Variants in TPR observed in about 807,000 individuals in gnomAD.
The protein encoded by TPR is translocated promoter region, nuclear basket protein, also known as nucleoprotein TPR.
Under a neutral mutation model 316.1 loss-of-function variants are expected in TPR, and 51 were observed. That is an observed-to-expected ratio of 0.16 (90% CI 0.13 to 0.20). The LOEUF is 0.20. TPR is among the 10% of genes least tolerant of loss of function. TPR has a pLI of 1.00. For synonymous variants in TPR, 981 were observed against 914.7 expected (o/e 1.07, Z -1.31); for missense variants, 2,272 against 2,754.8 (o/e 0.82, Z 3.92).
intron 39 of TPR, among the ~76,000 whole-genome samples, chr1:186,328,581 T>C (rs894661314): frequency 6.6e-6 from 1 of 152,094 alleles, no homozygotes; most frequent in Non-Finnish European, 1.5e-5. Flanking sequence ...GGGTCTGCAA[T>C]GTTTAAACAG....
At position 186,361,876 on chromosome 1, in the gene TPR, A is replaced by C. The variant is rs1335784499; in HGVS notation, c.790-7T>G. Reference sequence around the variant, plus strand: ...TGGCCTGTTGTTCCTTGGCCTGAAAAAAATAGCCCAATTATAGCAGTCTAC... The same window carrying C: ...TGGCCTGTTGTTCCTTGGCCTGAAACAAATAGCCCAATTATAGCAGTCTAC... On this transcript the variant is annotated splice_polypyrimidine_tract_variant and splice_region_variant and intron_variant, in intron 7 of 50. Coordinates refer to ENST00000367478, the MANE Select transcript of TPR (RefSeq NM_003292.3). 12 of 1,611,988 alleles carry C rather than the reference A, an allele frequency of 7.4e-6. No individual in the cohort carries two copies. Among genetic ancestry groups the C allele is most frequent in the Non-Finnish European group, 1.0e-5 (12 of 1,178,784 alleles).
In TPR at chr1:186,320,508, G is replaced by A. The variant is rs866749898; in HGVS notation, c.6462-90C>T. On this transcript the variant is annotated intron_variant, in intron 45 of 50. Transcript: ENST00000367478. Reference sequence around the variant, plus strand: ...AAAAAATATAGGAAGAAGGAAGAATGAACATCAACAAACTGGGAAGGAAAC... The same window carrying A: ...AAAAAATATAGGAAGAAGGAAGAATAAACATCAACAAACTGGGAAGGAAAC... The A allele has an allele frequency of 7.7e-6, 8 of 1,038,130 alleles. No individual in the cohort carries two copies. The South Asian group carries it at 1.3e-4, about 17-fold the overall frequency. 64.3% of individuals were successfully genotyped at this position (1,038,130 alleles called of 1,614,324 possible).
rs896879858 is a variant in TPR at position 186,375,186 on chromosome 1, C to G, written c.-158G>C. 2 of 1,531,698 alleles carry G rather than the reference C, an allele frequency of 1.3e-6. No homozygotes were observed. The highest frequency in any genetic ancestry group is 1.8e-6 in the Non-Finnish European group (2 of 1,138,196). The allele number at this position is 1,531,698 out of a possible 1,614,324, so 94.9% of individuals were successfully genotyped here. ...CCGCCGGAGACTCCCGCGGCGGGACCCTGGGAAATCGAGTCCACCCTCAGC... is the reference window on the plus strand; with the variant it reads ...CCGCCGGAGACTCCCGCGGCGGGACGCTGGGAAATCGAGTCCACCCTCAGC... On this transcript the variant is annotated 5_prime_UTR_variant, in exon 1 of 51. Transcript: ENST00000367478.
chr1:186,322,428 C>T lies in TPR; in HGVS notation c.6367-16G>A, dbSNP rs754115282. On this transcript the variant is annotated splice_polypyrimidine_tract_variant and intron_variant, in intron 44 of 50. Transcript: ENST00000367478. The stretch of plus-strand genomic sequence containing the variant: ...AATGCTGTTGCTAAAACAAAGAAAA[C>T]AGAGTTAACAAACAAAACACCACAC... 13 of 1,611,732 alleles carry T rather than the reference C, an allele frequency of 8.1e-6. No individual in the cohort carries two copies. The South Asian group carries it at 1.4e-4, about 18-fold the overall frequency.
chr1:186,314,030 TA>T lies in TPR; in HGVS notation c.7037-5del. On this transcript the variant is annotated splice_polypyrimidine_tract_variant and splice_region_variant and intron_variant, in intron 50 of 50. Coordinates refer to ENST00000367478, the MANE Select transcript of TPR (RefSeq NM_003292.3). The stretch of plus-strand genomic sequence containing the variant: ...CCTCCCATTGCATGGCTCACACCTG[TA>T]AAAGAAAAAAGAATCAAATTGAATA... The T allele has an allele frequency of 6.2e-7, 1 of 1,608,712 alleles. No individual in the cohort carries two copies. The highest frequency in any genetic ancestry group is 8.5e-7 in the Non-Finnish European group (1 of 1,178,618).
In TPR at chr1:186,343,419, A is replaced by G; in HGVS notation, c.3657T>C (p.Val1219=). 2.5e-6 allele frequency: 4 copies of G among 1,613,944 alleles called. No individual in the cohort carries two copies. The highest frequency in any genetic ancestry group is 3.4e-6 in the Non-Finnish European group (4 of 1,179,864). The change falls in exon 27 of 51, where the codon GTT becomes GTC. Residue 1219 remains valine (V), a synonymous_variant. Transcript: ENST00000367478. ...IAETRFEVAQ[V]ESLRYRQRVE... is the part of the protein sequence containing the mutation. ...CCCTTTGTCGATAACGCAGACTCTC[A>G]ACCTGAGCCACCTCAAACCTAGTTT...
chr1:186,366,013 T>C (rs1049805039), intron 4 of TPR, among the ~76,000 whole-genome samples: 2 of 152,236 alleles, frequency 1.3e-5, no homozygotes, highest in African/African-American at 4.8e-5. Flanking sequence ...GGAAGGGTTC[T>C]GATTACCCAA....
At chr1:186,338,551 A>G (rs1658407855) in intron 30 of TPR, among the ~76,000 whole-genome samples, 1 of 152,230 alleles carries the variant, frequency 6.6e-6, no homozygotes, top group Admixed American at 6.5e-5. Context: ...TTGCTTTAAG[A>G]GCAAAACCTA....
At position 186,338,363 on chromosome 1, in the gene TPR, A is replaced by C. The variant is rs544927347; in HGVS notation, c.4152-120T>G. On this transcript the variant is annotated intron_variant, in intron 30 of 50. Coordinates refer to ENST00000367478, the MANE Select transcript of TPR (RefSeq NM_003292.3). ...ACTTTTTTTTTTGAAAATCCTAAAAAATACCCATATACTTCAAAGGTAAGA... is the reference window on the plus strand; with the variant it reads ...ACTTTTTTTTTTGAAAATCCTAAAACATACCCATATACTTCAAAGGTAAGA... 3.7e-5 allele frequency: 29 copies of C among 783,534 alleles called. No individual in the cohort carries two copies. In the East Asian group the frequency reaches 7.1e-4, roughly 19 times the overall value. 48.5% of individuals were successfully genotyped at this position (783,534 alleles called of 1,614,324 possible). A position where few individuals can be genotyped will look rare whatever the true frequency, so the allele number is the denominator to read the frequency against.
intron 18 of TPR, among the ~76,000 whole-genome samples, chr1:186,352,823 A>G (rs1658905578): frequency 6.6e-6 from 1 of 152,204 alleles, no homozygotes; most frequent in South Asian, 2.1e-4. Context: ...CAAATTATAC[A>G]TTAGCTCTTG....
chr1:186,353,148 A>G lies in TPR; in HGVS notation c.2334+540T>C, dbSNP rs531777367. ...AGCACTTTGGGAGGCTAAGGCGGGC[A>G]AATCACGAGGTCAGTAGATCGAGAC... On this transcript the variant is annotated intron_variant, in intron 18 of 50. Coordinates refer to ENST00000367478, the MANE Select transcript of TPR (RefSeq NM_003292.3). 7.8e-4 allele frequency among the ~76,000 whole-genome samples: 118 copies of G among 152,254 alleles called. 1 individual carries two copies. In the East Asian group the frequency reaches 0.016, roughly 21 times the overall value.
chr1:186,371,587 A>G (rs1291560438), intron 2 of TPR, among the ~76,000 whole-genome samples: 1 of 152,172 alleles, frequency 6.6e-6, no homozygotes, highest in Non-Finnish European at 1.5e-5. Flanking sequence ...TTTCCCTTAC[A>G]TGCAGTTTCT....
chr1:186,312,141 T>A lies in TPR; in HGVS notation c.*1830A>T, dbSNP rs369156773. ...TTTTCTGAGGGTATTAAAATTAATT[T>A]TCATTTTCCATGTGATATTCTAATA... On this transcript the variant is annotated 3_prime_UTR_variant, in exon 51 of 51. Coordinates refer to ENST00000367478, the MANE Select transcript of TPR (RefSeq NM_003292.3). 7.4e-4 allele frequency: 1,178 copies of A among 1,595,058 alleles called. 3 individuals are homozygous for A. The highest frequency in any genetic ancestry group is 1.6e-3 in the Admixed American group (96 of 59,938).
intron 4 of TPR, among the ~76,000 whole-genome samples, chr1:186,364,075 T>C (rs1404649014): frequency 6.6e-6 from 1 of 152,118 alleles, no homozygotes; most frequent in East Asian, 1.9e-4. Context: ...ATGCAGAAAA[T>C]AGTAATCTTT....
chr1:186,338,373 T>C lies in TPR; in HGVS notation c.4152-130A>G. 1.1e-5 allele frequency: 8 copies of C among 719,524 alleles called. No individual in the cohort carries two copies. The South Asian group carries it at 1.6e-4, about 14-fold the overall frequency. The allele number at this position is 719,524 out of a possible 1,614,324, so 44.6% of individuals were successfully genotyped here. A position where few individuals can be genotyped will look rare whatever the true frequency, so the allele number is the denominator to read the frequency against. ...TTGAAAATCCTAAAAAATACCCATA[T>C]ACTTCAAAGGTAAGACCTTACGAAT... On this transcript the variant is annotated intron_variant, in intron 30 of 50. Transcript: ENST00000367478.
At position 186,312,152 on chromosome 1, in the gene TPR, T is replaced by C; in HGVS notation, c.*1819A>G. 2.5e-6 allele frequency: 4 copies of C among 1,603,746 alleles called. No homozygotes were observed. The highest frequency in any genetic ancestry group is 3.4e-6 in the Non-Finnish European group (4 of 1,170,738). Reference sequence around the variant, plus strand: ...TATTAAAATTAATTTTCATTTTCCATGTGATATTCTAATACATAACAGGTG... The same window carrying C: ...TATTAAAATTAATTTTCATTTTCCACGTGATATTCTAATACATAACAGGTG... On this transcript the variant is annotated 3_prime_UTR_variant, in exon 51 of 51. Transcript: ENST00000367478.
chr1:186,323,601 G>A, intron 43 of TPR, 85 bp downstream of exon 43: 1 of 1,259,908 alleles, frequency 7.9e-7, no homozygotes, highest in South Asian at 2.2e-5. Context: ...AAAACCAAGA[G>A]AGAGAGAGAA....
intron 22 of TPR, 34 bp from the exon 23 acceptor site, chr1:186,346,321 TTA>T: frequency 6.4e-7 from 1 of 1,571,664 alleles, no homozygotes; most frequent in Non-Finnish European, 8.6e-7. Context: ...GATATAAAAA[TTA>T]CACACATTTA....
At chr1:186,336,310 T>A (rs1658339510) in intron 33 of TPR, among the ~76,000 whole-genome samples, 186 bp downstream of exon 33, 1 of 152,174 alleles carries the variant, frequency 6.6e-6, no homozygotes, top group African/African-American at 2.4e-5. Context: ...ATCAAGGATA[T>A]CCTCATCACT....
Sources: allele counts gnomAD v4.1 joint callset (sites outside exome capture counted in the v4.1 genomes callset), GRCh38; gene constraint gnomAD v4.1.1; transcripts MANE v1.5; gene names NCBI Gene and HGNC (gene_info 2026-07-23, HGNC 2026-07-21).